Variants in LINC00305 observed in about 807,000 individuals in gnomAD.
LINC00305 encodes the protein long intergenic non-protein coding RNA 305.
intron 3 of LINC00305, among the ~76,000 whole-genome samples, chr18:64,086,521 C>A (rs145774674): frequency 1.1e-3 from 160 of 152,228 alleles, no homozygotes; most frequent in African/African-American, 3.6e-3. Context: ...GAAAGGGTAC[C>A]AATAGCTGCT....
At chr18:64,105,781 G>A (rs1049242504) in intron 1 of LINC00305, among the ~76,000 whole-genome samples, 2 of 152,114 alleles carry the variant, frequency 1.3e-5, no homozygotes, top group African/African-American at 2.4e-5. Flanking sequence ...TCAATACTAC[G>A]ATAAATATCT....
At chr18:64,098,532 C>T (rs779872473) in intron 2 of LINC00305, 2 of 432,728 alleles carry the variant, frequency 4.6e-6, no homozygotes, top group African/African-American at 4.2e-5. Flanking sequence ...TAATTTTTTT[C>T]TTAGGTTTGT....
chr18:64,135,133 TC>T (rs1373000067), intron 1 of LINC00305, among the ~76,000 whole-genome samples: 8 of 152,290 alleles, frequency 5.3e-5, no homozygotes, highest in Middle Eastern at 3.4e-3. Flanking sequence ...TGTCCTTGTG[TC>T]TTTTCACAAC....
rs112553514 is a variant in LINC00305, at chr18:64,106,693, A to G, written n.315-8053T>C. ...ATCCCACGTGTGTGTCTCTGGAATG[A>G]GAACACACGGACCCAAGTATGATCA... On this transcript the variant is annotated intron_variant and non_coding_transcript_variant, in intron 1 of 3. Transcript: ENST00000666468. 6.7e-3 allele frequency among the ~76,000 whole-genome samples: 1,025 copies of G among 152,286 alleles called. 12 individuals carry two copies. Among genetic ancestry groups the G allele is most frequent in the African/African-American group, 0.024 (986 of 41,556 alleles).
intron 1 of LINC00305, among the ~76,000 whole-genome samples, chr18:64,138,872 G>C (rs2051447670): frequency 6.6e-6 from 1 of 152,146 alleles, no homozygotes; most frequent in African/African-American, 2.4e-5. Flanking sequence ...CGTGCGCCTG[G>C]AACGACTTGA....
chr18:64,108,672 T>C (rs2051302059), intron 1 of LINC00305, among the ~76,000 whole-genome samples: 1 of 152,170 alleles, frequency 6.6e-6, no homozygotes, highest in Non-Finnish European at 1.5e-5. Flanking sequence ...ATACAGCCCC[T>C]AGGGTGGAGG....
intron 1 of LINC00305, among the ~76,000 whole-genome samples, chr18:64,112,616 G>C (rs1040698317): frequency 6.6e-6 from 1 of 152,136 alleles, no homozygotes; most frequent in African/African-American, 2.4e-5. Flanking sequence ...GGATTGGCCA[G>C]CATTTTATCA....
exon 3 of LINC00305, chr18:64,097,849 A>G: frequency 2.2e-6 from 1 of 457,904 alleles, no homozygotes; most frequent in South Asian, 1.6e-5. Context: ...TTCTTCATTG[A>G]GAGCATGTAG....
At chr18:64,108,123 T>A (rs543327770) in intron 1 of LINC00305, among the ~76,000 whole-genome samples, 2 of 152,284 alleles carry the variant, frequency 1.3e-5, no homozygotes, top group African/African-American at 4.8e-5. Flanking sequence ...GAGAGACCAC[T>A]GGCCTTAAGA....
At chr18:64,124,566 T>C (rs1381616181) in intron 1 of LINC00305, among the ~76,000 whole-genome samples, 1 of 152,156 alleles carries the variant, frequency 6.6e-6, no homozygotes, top group Non-Finnish European at 1.5e-5. Context: ...AGTCTTAATA[T>C]GTCCCAATGG....
At chr18:64,145,549 G>A (rs2051493453) in intron 1 of LINC00305, among the ~76,000 whole-genome samples, 1 of 152,158 alleles carries the variant, frequency 6.6e-6, no homozygotes, top group South Asian at 2.1e-4. Context: ...ATTGTGGGCT[G>A]CTGGCCAGAT....
At chr18:64,141,343 T>C (rs1487602870) in intron 1 of LINC00305, among the ~76,000 whole-genome samples, 1 of 152,166 alleles carries the variant, frequency 6.6e-6, no homozygotes, top group Non-Finnish European at 1.5e-5. Flanking sequence ...TGCTATTAGA[T>C]GGAGAAGTAC....
At chr18:64,098,538 T>C (rs752795570) in intron 2 of LINC00305, 47 of 434,976 alleles carry the variant, frequency 1.1e-4, no homozygotes, top group Non-Finnish European at 1.4e-4. Context: ...TTTTCTTAGG[T>C]TTGTAACTTT....
chr18:64,134,890 C>T (rs530925586), intron 1 of LINC00305, among the ~76,000 whole-genome samples: 10 of 152,322 alleles, frequency 6.6e-5, no homozygotes, highest in Non-Finnish European at 1.5e-4. Flanking sequence ...GCTAAGCTCT[C>T]TGGGCCTGTT....
At chr18:64,132,425 C>T (rs2051413816) in intron 1 of LINC00305, among the ~76,000 whole-genome samples, 1 of 152,160 alleles carries the variant, frequency 6.6e-6, no homozygotes, top group Non-Finnish European at 1.5e-5. Flanking sequence ...TAATTATTTG[C>T]ACATATTCAA....
intron 3 of LINC00305, among the ~76,000 whole-genome samples, chr18:64,083,231 G>A (rs1275475134): frequency 6.6e-6 from 1 of 152,018 alleles, no homozygotes; most frequent in African/African-American, 2.4e-5. Context: ...CCCCAGACAG[G>A]AGCTATGGAG....
chr18:64,144,366 T>G (rs2051486550), intron 1 of LINC00305, among the ~76,000 whole-genome samples: 1 of 152,120 alleles, frequency 6.6e-6, no homozygotes, highest in African/African-American at 2.4e-5. Context: ...AGTAGGGGCA[T>G]TAAGATGATG....
At chr18:64,087,775 G>T (rs148337124) in intron 3 of LINC00305, among the ~76,000 whole-genome samples, 16 of 152,240 alleles carry the variant, frequency 1.1e-4, no homozygotes, top group Non-Finnish European at 1.8e-4. Context: ...ATTGTCTGGT[G>T]CTAACCATTA....
At chr18:64,133,815 T>A (rs1235383421) in intron 1 of LINC00305, among the ~76,000 whole-genome samples, 1 of 152,236 alleles carries the variant, frequency 6.6e-6, no homozygotes, top group Non-Finnish European at 1.5e-5. Context: ...GTCATTTTCA[T>A]GGTTTATAAC....
Sources: gnomAD v4.1 joint callset for allele counts (sites outside exome capture counted in the v4.1 genomes callset) on GRCh38, gnomAD v4.1.1 for gene constraint, MANE v1.5 for transcripts, NCBI Gene and HGNC (gene_info 2026-07-23, HGNC 2026-07-21) for gene names.